Variants in SLFN5 observed in about 807,000 individuals in gnomAD.
SLFN5 encodes schlafen family member 5.
Under a neutral mutation model 48.5 loss-of-function variants are expected in SLFN5, and 34 were observed. That is an observed-to-expected ratio of 0.70 (90% CI 0.53 to 0.93). The LOEUF is 0.93. Ranked by LOEUF, SLFN5 falls within the 40% of genes least tolerant of loss-of-function variation. The pLI is 0.00. For synonymous variants in SLFN5, 387 were observed against 396.2 expected, an observed-to-expected ratio of 0.98 and a Z score of 0.28; for missense variants, 1,006 against 1,071.3, an observed-to-expected ratio of 0.94 and a Z score of 0.85.
rs1333011306 is a variant in SLFN5, at chr17:35,272,249, A to G, written c.*6361A>G. The stretch of plus-strand genomic sequence containing the variant: ...ACATGTTGAAATGTATTAACAGCAT[A>G]TGTTAAAGTTAAGTTATGTTAACTT... On this transcript the variant is annotated 3_prime_UTR_variant, in exon 5 of 5. Transcript: ENST00000299977. 6.6e-6 allele frequency: 1 copy of G among 152,200 alleles called. No individual in the cohort carries two copies. The highest frequency in any genetic ancestry group is 1.5e-5 in the Non-Finnish European group (1 of 68,038). 9.4% of individuals were successfully genotyped at this position (152,200 alleles called of 1,614,324 possible).
chr17:35,273,051 T>A lies in SLFN5; in HGVS notation c.*7163T>A, dbSNP rs963209466. 2 of 152,146 alleles carry A rather than the reference T, an allele frequency of 1.3e-5. No homozygotes were observed. Among genetic ancestry groups the A allele is most frequent in the African/African-American group, 4.8e-5 (2 of 41,436 alleles). 9.4% of individuals were successfully genotyped at this position (152,146 alleles called of 1,614,324 possible). A position where few individuals can be genotyped will look rare whatever the true frequency, so the allele number is the denominator to read the frequency against. ...TTCCTAAGAGCAGAAGACTGCAAAA[T>A]AGTAAATATATACCCAAAAGGGTCT... On this transcript the variant is annotated 3_prime_UTR_variant, in exon 5 of 5. Coordinates refer to ENST00000299977, the MANE Select transcript of SLFN5 (RefSeq NM_144975.4).
At chr17:35,248,840 A>C (rs1258303582) in intron 1 of SLFN5, among the ~76,000 whole-genome samples, 1 of 152,158 alleles carries the variant, frequency 6.6e-6, no homozygotes, top group Non-Finnish European at 1.5e-5. Context: ...AACCTCTATC[A>C]ACTTGTACAC....
At chr17:35,247,262 T>C (rs564090435) in intron 1 of SLFN5, among the ~76,000 whole-genome samples, 1 of 152,374 alleles carries the variant, frequency 6.6e-6, no homozygotes, top group South Asian at 2.1e-4. Flanking sequence ...ATATCATACC[T>C]GAGCATTCCC....
At chr17:35,254,232 C>T (rs1268137048) in intron 1 of SLFN5, among the ~76,000 whole-genome samples, 18 of 152,118 alleles carry the variant, frequency 1.2e-4, no homozygotes, top group Admixed American at 1.2e-3. Flanking sequence ...GTGCCTATGA[C>T]CAATTCATCC....
rs1223006539 is a variant in SLFN5 at position 35,266,583 on chromosome 17, T to G, written c.*695T>G. On this transcript the variant is annotated 3_prime_UTR_variant, in exon 5 of 5. Coordinates refer to ENST00000299977, the MANE Select transcript of SLFN5 (RefSeq NM_144975.4). Reference sequence around the variant, plus strand: ...GGTTATGTGGAATCTGTTCCTTAGCTCTGATTTTTTATTCTTATGGAGCGT... The same window carrying G: ...GGTTATGTGGAATCTGTTCCTTAGCGCTGATTTTTTATTCTTATGGAGCGT... 6.6e-6 allele frequency: 1 copy of G among 152,220 alleles called. No individual in the cohort carries two copies. The highest frequency in any genetic ancestry group is 2.4e-5 in the African/African-American group (1 of 41,452). 9.4% of individuals were successfully genotyped at this position (152,220 alleles called of 1,614,324 possible).
chr17:35,257,364 T>C (rs1331016968), intron 1 of SLFN5, among the ~76,000 whole-genome samples: 1 of 152,134 alleles, frequency 6.6e-6, no homozygotes, highest in Non-Finnish European at 1.5e-5. Flanking sequence ...GAAGACTAGG[T>C]CTTAGATACA....
chr17:35,264,064 G>A (rs1025469014), intron 3 of SLFN5, 119 bp from the exon 4 acceptor site: 2 of 1,215,284 alleles, frequency 1.6e-6, no homozygotes, highest in African/African-American at 3.1e-5. Context: ...TATTACTAAT[G>A]TATAACCTAT....
chr17:35,260,954 G>A lies in SLFN5; in HGVS notation c.1013-17G>A. 1 of 1,612,342 alleles carries A rather than the reference G, an allele frequency of 6.2e-7. No individual in the cohort carries two copies. The highest frequency in any genetic ancestry group is 8.5e-7 in the Non-Finnish European group (1 of 1,179,078). ...CTGCCTTTTTGCATATTGAATCCTT[G>A]GTTCTTGTTTCCTAAGACCTTTCCA... On this transcript the variant is annotated splice_polypyrimidine_tract_variant and intron_variant, in intron 2 of 4. Coordinates refer to ENST00000299977, the MANE Select transcript of SLFN5 (RefSeq NM_144975.4).
chr17:35,245,731 C>T (rs1162974428), intron 1 of SLFN5, among the ~76,000 whole-genome samples: 2 of 151,926 alleles, frequency 1.3e-5, no homozygotes, highest in African/African-American at 2.4e-5. Flanking sequence ...CTTCTTCATT[C>T]ATCTACTGAT....
chr17:35,245,101 A>G (rs1441908537), intron 1 of SLFN5, among the ~76,000 whole-genome samples: 1 of 152,166 alleles, frequency 6.6e-6, no homozygotes, highest in African/African-American at 2.4e-5. Context: ...GTAGCACCAA[A>G]CCCTATATCT....
intron 1 of SLFN5, among the ~76,000 whole-genome samples, chr17:35,253,679 T>C (rs369331748): frequency 4.3e-5 from 6 of 137,956 alleles, no homozygotes; most frequent in African/African-American, 1.4e-4. Flanking sequence ...CTGGCCTGAG[T>C]ATAGCTAACA....
At chr17:35,247,133 T>C (rs1416917223) in intron 1 of SLFN5, among the ~76,000 whole-genome samples, 1 of 152,188 alleles carries the variant, frequency 6.6e-6, no homozygotes, top group Non-Finnish European at 1.5e-5. Context: ...TAATTTTTGC[T>C]CCTGATTCCA....
At chr17:35,252,180 A>G (rs952981338) in intron 1 of SLFN5, among the ~76,000 whole-genome samples, 8 of 152,206 alleles carry the variant, frequency 5.3e-5, no homozygotes, top group African/African-American at 1.9e-4. Flanking sequence ...CTGTAATCCC[A>G]GCACTTTAAG....
intron 1 of SLFN5, among the ~76,000 whole-genome samples, chr17:35,251,395 GT>G (rs372701510): frequency 3.8e-4 from 57 of 151,896 alleles, no homozygotes; most frequent in Non-Finnish European, 1.8e-4. Context: ...CTAATTTGGG[GT>G]TTTTTTTTGT....
intron 1 of SLFN5, 66 bp from the exon 2 acceptor site, chr17:35,258,585 T>A: frequency 1.4e-6 from 2 of 1,383,252 alleles, no homozygotes; most frequent in Non-Finnish European, 1.9e-6. Flanking sequence ...ATGGCCTTAA[T>A]CTGTTGGTTT....
At position 35,258,963 on chromosome 17, in the gene SLFN5, G is replaced by T. The variant is rs1310301726; in HGVS notation, c.273G>T (p.Lys91Asn). 1 of 1,614,182 alleles carries T rather than the reference G, an allele frequency of 6.2e-7. No individual in the cohort carries two copies. Among genetic ancestry groups the T allele is most frequent in the Non-Finnish European group, 8.5e-7 (1 of 1,180,028 alleles). Residue 91 changes from lysine to asparagine, a missense_variant, in exon 2 of 5, where the codon AAG (lysine) becomes AAT (asparagine). Physicochemically the swap from Lys to Asn is moderately conservative, Grantham distance 94 (BLOSUM62 0). Transcript: ENST00000299977. ...IFRSHLDKMQ[K>N]ENHFLIFVKS... is the part of the protein sequence containing the mutation. ...GAAGCCATTTAGATAAGATGCAGAA[G>T]GAAAACCACTTTTTGATTTTTGTGA...
In SLFN5 at chr17:35,258,857, G is replaced by T; in HGVS notation, c.167G>T (p.Gly56Val). ...TGTGCTCTGCTGAATTCTGGTGGGGGCATAATCAAGGCTGAGATTGAGAAC... is the reference window on the plus strand; with the variant it reads ...TGTGCTCTGCTGAATTCTGGTGGGGTCATAATCAAGGCTGAGATTGAGAAC... ...AVCALLNSGG[G>V]IIKAEIENKG... Residue 56 changes from glycine to valine, a missense_variant, in exon 2 of 5, where the codon GGC becomes GTC. Transcript: ENST00000299977. 3 of 1,614,164 alleles carry T rather than the reference G, an allele frequency of 1.9e-6. No individual in the cohort carries two copies. Among genetic ancestry groups the T allele is most frequent in the Non-Finnish European group, 1.7e-6 (2 of 1,180,030 alleles).
intron 3 of SLFN5, among the ~76,000 whole-genome samples, chr17:35,262,103 A>G (rs12952143): frequency 0.61 from 92,187 of 151,930 alleles, 28,191 homozygotes; most frequent in Middle Eastern, 0.75. Context: ...AGTAGTGGCC[A>G]GGCACAGTGG....
chr17:35,259,646 G>A lies in SLFN5; in HGVS notation c.956G>A (p.Arg319His), dbSNP rs746380879. The A allele has an allele frequency of 1.6e-5, 26 of 1,602,740 alleles. No homozygotes were observed. The highest frequency in any genetic ancestry group is 1.6e-4 in the Middle Eastern group (1 of 6,080). Reference sequence around the variant, plus strand: ...AGTTCCTGGCAGGTGAAGGACAACCGTGTGAGACAATTGCCCACAAGAGAA... The same window carrying A: ...AGTTCCTGGCAGGTGAAGGACAACCATGTGAGACAATTGCCCACAAGAGAA... ...VPSSWQVKDN[R>H]VRQLPTREWT... Residue 319 changes from arginine to histidine, a missense_variant, in exon 2 of 5, where the codon CGT (arginine) becomes CAT (histidine). Transcript: ENST00000299977.
Sources: allele counts gnomAD v4.1 joint callset (sites outside exome capture counted in the v4.1 genomes callset), GRCh38; gene constraint gnomAD v4.1.1; transcripts MANE v1.5; gene names NCBI Gene and HGNC (gene_info 2026-07-23, HGNC 2026-07-21).